Variants in WDR4 observed in about 807,000 individuals in gnomAD.
The protein encoded by WDR4 is tRNA (guanine-N(7)-)-methyltransferase non-catalytic subunit WDR4.
A neutral mutation model predicts 48.6 loss-of-function variants in WDR4; 47 were observed. That is an observed-to-expected ratio of 0.97 (90% CI 0.77 to 1.23). The LOEUF (loss-of-function observed/expected upper bound fraction) is 1.23. Ranked by LOEUF, WDR4 falls within the 50% of genes most tolerant of loss-of-function variation. WDR4 has a pLI of 0.00. For missense variants in WDR4, 606 were observed against 551.6 expected, an observed-to-expected ratio of 1.10 and a Z score of -0.99; for synonymous variants, 268 against 230.0, an observed-to-expected ratio of 1.17 and a Z score of -1.49.
intron 2 of WDR4, among the ~76,000 whole-genome samples, chr21:42,875,948 T>C (rs947678558): frequency 1.6e-5 from 2 of 122,700 alleles, no homozygotes; most frequent in East Asian, 2.2e-4. Context: ...GACGGAGTCT[T>C]GCTGTGTCAC....
chr21:42,859,124 C>A lies in WDR4; in HGVS notation c.627+538G>T, dbSNP rs550605801. On this transcript the variant is annotated intron_variant, in intron 6 of 10. Transcript: ENST00000398208. Reference sequence around the variant, plus strand: ...GCTGTACCCAACAAGCAAAAATGCACTGTGGTAACCCGGGTGCGGGCGCTC... The same window carrying A: ...GCTGTACCCAACAAGCAAAAATGCAATGTGGTAACCCGGGTGCGGGCGCTC... Among the ~76,000 whole-genome samples, 68 of 152,252 alleles carry A rather than the reference C, an allele frequency of 4.5e-4. 1 individual carries two copies. The South Asian group carries it at 0.012, about 26-fold the overall frequency.
At chr21:42,867,469 A>G (rs1457118069) in intron 3 of WDR4, among the ~76,000 whole-genome samples, 1 of 151,584 alleles carries the variant, frequency 6.6e-6, no homozygotes, top group African/African-American at 2.4e-5. Flanking sequence ...CTTTGCTCAC[A>G]TGCTGCAGGC....
At chr21:42,869,782 G>C (rs567459445) in intron 3 of WDR4, among the ~76,000 whole-genome samples, 80 of 152,226 alleles carry the variant, frequency 5.3e-4, no homozygotes, top group African/African-American at 1.9e-3. Context: ...AGCCGATGTG[G>C]GTGGATCACC....
chr21:42,876,383 TTTTTA>T (rs1040123187), intron 2 of WDR4, among the ~76,000 whole-genome samples: 1 of 151,924 alleles, frequency 6.6e-6, no homozygotes, highest in African/African-American at 2.4e-5. Context: ...CCAGCTAACT[TTTTTA>T]TTTTTAGTAG....
chr21:42,864,247 C>A (rs1314643102), intron 3 of WDR4, among the ~76,000 whole-genome samples: 2 of 151,496 alleles, frequency 1.3e-5, no homozygotes, highest in Non-Finnish European at 1.5e-5. Context: ...GGGAATGGTT[C>A]CTTAACCCCA....
chr21:42,856,814 C>T (rs73368716), intron 6 of WDR4, among the ~76,000 whole-genome samples: 2,124 of 152,192 alleles, frequency 0.014, 47 homozygotes, highest in African/African-American at 0.048. Flanking sequence ...CACCTTTCTA[C>T]AAATGTGGCA....
Position 42,862,478 on chromosome 21 carries a change from C to T in WDR4, c.454-84G>A. ...TCCCTCATGGAAGAAGGCAGGGAAG[C>T]TGCAGCCTGGCCGCCAAGAGGATGA... On this transcript the variant is annotated intron_variant, in intron 4 of 10. Coordinates refer to ENST00000398208, the MANE Select transcript of WDR4 (RefSeq NM_018669.6). The surrounding 1 kb of genome is among the most constrained non-coding windows in gnomAD (Gnocchi z 4.3). 1 of 1,334,986 alleles carries T rather than the reference C, an allele frequency of 7.5e-7. No individual in the cohort carries two copies. Among genetic ancestry groups the T allele is most frequent in the Non-Finnish European group, 1.0e-6 (1 of 966,032 alleles). 82.7% of individuals were successfully genotyped at this position (1,334,986 alleles called of 1,614,324 possible).
In WDR4 at chr21:42,859,716, C is replaced by A. The variant is rs1432681052; in HGVS notation, c.573G>T (p.Val191=). The change falls in exon 6 of 11, where the codon GTG becomes GTT. Residue 191 remains valine (V), a synonymous_variant. Coordinates refer to ENST00000398208, the MANE Select transcript of WDR4 (RefSeq NM_018669.6). The part of the protein sequence containing the change: ...ESFCLGHTEF[V]SRISVVPTQP... The stretch of plus-strand genomic sequence containing the variant: ...GAGTTGGCACCACGGAGATACGGCT[C>A]ACAAACCTGTGAGGGCGAGAGAGAG... 2 of 1,560,460 alleles carry A rather than the reference C, an allele frequency of 1.3e-6. No individual in the cohort carries two copies. Among genetic ancestry groups the A allele is most frequent in the Admixed American group, 3.8e-5 (2 of 52,232 alleles).
At position 42,862,786 on chromosome 21, in the gene WDR4, C is replaced by A. The variant is rs2058149503; in HGVS notation, c.454-392G>T. On this transcript the variant is annotated intron_variant, in intron 4 of 10. Coordinates refer to ENST00000398208, the MANE Select transcript of WDR4 (RefSeq NM_018669.6). The surrounding 1 kb of genome is among the most constrained non-coding windows in gnomAD (Gnocchi z 4.3). ...TGCCTTCCTGTCACACATGTCCCCA[C>A]ACCCATCTGTCACCAAGTCCCAGTG... 6.6e-6 allele frequency among the ~76,000 whole-genome samples: 1 copy of A among 152,188 alleles called. No individual in the cohort carries two copies. The highest frequency in any genetic ancestry group is 1.5e-5 in the Non-Finnish European group (1 of 68,034).
intron 6 of WDR4, among the ~76,000 whole-genome samples, chr21:42,858,844 G>C (rs1171108331): frequency 1.3e-5 from 2 of 152,138 alleles, no homozygotes; most frequent in Admixed American, 6.6e-5. Context: ...CATAGAAGCG[G>C]CCAGAAGGTC....
At chr21:42,859,519 CGCA>C in intron 6 of WDR4, 140 bp downstream of exon 6, 1 of 848,786 alleles carries the variant, frequency 1.2e-6, no homozygotes. Flanking sequence ...GGGAGCGAGC[CGCA>C]GGCAGCTCTA....
the WDR4 span, among the ~76,000 whole-genome samples, chr21:42,887,240 C>T: frequency 6.6e-6 from 1 of 152,038 alleles, no homozygotes; most frequent in Non-Finnish European, 1.5e-5. Flanking sequence ...GATCCGCCCA[C>T]CTTGGCCTCC....
At chr21:42,870,406 TCA>T (rs1191443313) in intron 3 of WDR4, among the ~76,000 whole-genome samples, 3 of 152,098 alleles carry the variant, frequency 2.0e-5, no homozygotes, top group Admixed American at 2.0e-4. Flanking sequence ...ATGAAATGAA[TCA>T]CAAAGTCTGT....
chr21:42,868,161 G>C (rs1601160568), intron 3 of WDR4, among the ~76,000 whole-genome samples: 1 of 152,148 alleles, frequency 6.6e-6, no homozygotes, highest in Admixed American at 6.5e-5. Context: ...CAGGAGCAGA[G>C]GCCCCGTCCC....
chr21:42,850,381 G>A (rs759735262), intron 10 of WDR4, 139 bp from the exon 11 acceptor site: 56 of 705,822 alleles, frequency 7.9e-5, no homozygotes, highest in Non-Finnish European at 1.2e-4. Context: ...CTTCTGGGAC[G>A]GCTCCCCACG....
chr21:42,886,837 C>T, the WDR4 span: 2 of 152,264 alleles, frequency 1.3e-5, no homozygotes, highest in Non-Finnish European at 2.9e-5. Flanking sequence ...AGCCCCAGCC[C>T]ACTGAAAGCC....
upstream of WDR4, among the ~76,000 whole-genome samples, chr21:42,880,128 CTCA>C (rs1248615915): frequency 6.8e-6 from 1 of 146,876 alleles, no homozygotes; most frequent in African/African-American, 2.6e-5. Context: ...GAGACTCTCT[CTCA>C]AAAAAAAAAA....
chr21:42,849,665 C>T lies in WDR4; in HGVS notation c.*384G>A, dbSNP rs539242906. On this transcript the variant is annotated 3_prime_UTR_variant, in exon 11 of 11. Transcript: ENST00000398208. Reference sequence around the variant, plus strand: ...GACGGCGGAACAACATGAAAACATCCACCATGCCAGAAACGTCAGCCCACA... The same window carrying T: ...GACGGCGGAACAACATGAAAACATCTACCATGCCAGAAACGTCAGCCCACA... 1.4e-3 allele frequency: 252 copies of T among 175,694 alleles called. 6 individuals carry two copies. The South Asian group carries it at 0.031, about 21-fold the overall frequency. The allele number at this position is 175,694 out of a possible 1,614,324, so 10.9% of individuals were successfully genotyped here.
At chr21:42,843,493 C>G (rs2057684360) in intron 11 of WDR4, among the ~76,000 whole-genome samples, 1 of 139,916 alleles carries the variant, frequency 7.1e-6, no homozygotes, top group Admixed American at 7.8e-5. Context: ...TTGCTGCAGC[C>G]TCAAACTCCC....
Sources: allele counts gnomAD v4.1 joint callset (sites outside exome capture counted in the v4.1 genomes callset), GRCh38; gene constraint gnomAD v4.1.1; non-coding constraint Gnocchi (gnomAD v3.1); transcripts MANE v1.5; gene names NCBI Gene and HGNC (gene_info 2026-07-23, HGNC 2026-07-21).